NELL1: variants seen among roughly 807,000 people sequenced by gnomAD.
The protein encoded by NELL1 is protein kinase C-binding protein NELL1.
NELL1 carries 76 observed loss-of-function variants against 107.4 expected under a neutral mutation model. The ratio of observed to expected loss-of-function variants is 0.71; its 90% CI spans 0.59 to 0.86. NELL1 has a LOEUF of 0.86. NELL1 is among the 40% of genes least tolerant of loss of function. The pLI, the probability that NELL1 is intolerant of heterozygous loss-of-function variation, is 0.00. For synonymous variants in NELL1, 353 were observed against 341.2 expected (o/e 1.03, Z -0.38); for missense variants, 1,024 against 1,005.5 (o/e 1.02, Z -0.25).
intron 12 of NELL1, among the ~76,000 whole-genome samples, chr11:21,015,816 A>G (rs554304637): frequency 7.9e-5 from 12 of 152,190 alleles, no homozygotes; most frequent in African/African-American, 2.4e-4. Flanking sequence ...TAAGCCAGGC[A>G]CGTCCTGTTG....
intron 10 of NELL1, among the ~76,000 whole-genome samples, chr11:20,939,724 A>T (rs1457010910): frequency 6.6e-6 from 1 of 152,162 alleles, no homozygotes; most frequent in African/African-American, 2.4e-5. Context: ...ACTGGATCAG[A>T]AGAAGCCAAA....
intron 15 of NELL1, among the ~76,000 whole-genome samples, chr11:21,467,285 A>G (rs1396700976): frequency 6.6e-6 from 1 of 152,088 alleles, no homozygotes; most frequent in Non-Finnish European, 1.5e-5. Context: ...AATAGTACCT[A>G]TCTCAAAATT....
intron 15 of NELL1, among the ~76,000 whole-genome samples, chr11:21,450,164 A>T (rs1312831722): frequency 6.6e-6 from 1 of 152,232 alleles, no homozygotes; most frequent in East Asian, 1.9e-4. Flanking sequence ...ATTATTGTTC[A>T]TTCATTTTTA....
At chr11:21,550,400 C>A (rs999590228) in intron 16 of NELL1, among the ~76,000 whole-genome samples, 3 of 151,906 alleles carry the variant, frequency 2.0e-5, no homozygotes, top group Non-Finnish European at 4.4e-5. Flanking sequence ...GTGTTTTAGA[C>A]CTGAAGTCCT....
intron 13 of NELL1, among the ~76,000 whole-genome samples, chr11:21,224,526 C>T (rs998980952): frequency 9.9e-5 from 15 of 152,002 alleles, no homozygotes; most frequent in African/African-American, 3.4e-4. Context: ...CAGCCTATGG[C>T]TATTTTTTAA....
intron 13 of NELL1, among the ~76,000 whole-genome samples, chr11:21,221,918 C>T (rs1168688134): frequency 1.3e-5 from 2 of 152,054 alleles, no homozygotes; most frequent in Admixed American, 1.3e-4. Flanking sequence ...GTCTCTAACT[C>T]CTGGGCTCAA....
intron 15 of NELL1, among the ~76,000 whole-genome samples, chr11:21,457,353 G>T (rs1389736118): frequency 2.0e-5 from 3 of 152,100 alleles, no homozygotes; most frequent in African/African-American, 7.2e-5. Context: ...AAAGAATTCA[G>T]AGTGTTGTGG....
intron 12 of NELL1, among the ~76,000 whole-genome samples, chr11:20,985,155 A>G (rs1201864720): frequency 6.6e-6 from 1 of 152,182 alleles, no homozygotes; most frequent in Non-Finnish European, 1.5e-5. Flanking sequence ...AGTGGTTACT[A>G]TTCTTTGAAT....
intron 14 of NELL1, among the ~76,000 whole-genome samples, chr11:21,295,594 A>G (rs1487804875): frequency 6.6e-6 from 1 of 152,056 alleles, no homozygotes; most frequent in Non-Finnish European, 1.5e-5. Context: ...TCATTACAGC[A>G]GTTGCGAAAA....
chr11:21,564,157 T>C (rs896280154), intron 17 of NELL1, among the ~76,000 whole-genome samples: 2 of 151,904 alleles, frequency 1.3e-5, no homozygotes, highest in African/African-American at 4.8e-5. Context: ...CCAGTCAAGG[T>C]CTGATTGACA....
At chr11:21,446,397 T>C (rs976068501) in intron 15 of NELL1, among the ~76,000 whole-genome samples, 6 of 143,810 alleles carry the variant, frequency 4.2e-5, no homozygotes, top group African/African-American at 1.8e-4. Flanking sequence ...TTTTATGCTG[T>C]GTGTGTTCAT....
intron 14 of NELL1, among the ~76,000 whole-genome samples, chr11:21,331,843 T>C (rs1037995616): frequency 6.6e-6 from 1 of 152,042 alleles, no homozygotes; most frequent in African/African-American, 2.4e-5. Flanking sequence ...TTCTCTTAAT[T>C]GCTTATTGTT....
At chr11:20,899,865 T>C (rs995539127) in intron 5 of NELL1, among the ~76,000 whole-genome samples, 2 of 150,012 alleles carry the variant, frequency 1.3e-5, no homozygotes, top group African/African-American at 2.5e-5. Context: ...TGGACAGTTT[T>C]CTAAAGCTAC....
In NELL1 at chr11:20,975,830, T is replaced by C. The variant is rs993478611; in HGVS notation, c.1300+15270T>C. Among the ~76,000 whole-genome samples the C allele has an allele frequency of 1.2e-4, 15 of 121,212 alleles. 1 individual carries two copies. Among genetic ancestry groups the C allele is most frequent in the African/African-American group, 4.7e-4 (15 of 31,836 alleles). 79.5% of individuals were successfully genotyped at this position (121,212 alleles called of 152,430 possible). A position where few individuals can be genotyped will look rare whatever the true frequency, so the allele number is the denominator to read the frequency against. ...ATACATATTATATATGTATTATATATGTACATATGTGTATTATATATACAT... is the reference window on the plus strand; with the variant it reads ...ATACATATTATATATGTATTATATACGTACATATGTGTATTATATATACAT... On this transcript the variant is annotated intron_variant, in intron 12 of 19. Coordinates refer to ENST00000357134, the MANE Select transcript of NELL1 (RefSeq NM_006157.5).
At chr11:21,112,109 G>T (rs955983135) in intron 12 of NELL1, among the ~76,000 whole-genome samples, 8 of 151,994 alleles carry the variant, frequency 5.3e-5, no homozygotes, top group African/African-American at 1.9e-4. Flanking sequence ...AACCTCTGTG[G>T]TTGGCCTGCA....
intron 17 of NELL1, among the ~76,000 whole-genome samples, chr11:21,562,418 T>G (rs1290233585): frequency 2.1e-5 from 3 of 146,336 alleles, no homozygotes; most frequent in Non-Finnish European, 4.4e-5. Flanking sequence ...ACATAAATCT[T>G]TTGTTTGTTT....
chr11:20,681,115 A>G (rs1230337609), intron 2 of NELL1, among the ~76,000 whole-genome samples: 15 of 152,158 alleles, frequency 9.9e-5, no homozygotes. Context: ...ACGTGGCTCT[A>G]GAGCAGGCTT....
In NELL1 at chr11:20,816,362, C is replaced by T. The variant is rs549003002; in HGVS notation, c.336-31221C>T. Among the ~76,000 whole-genome samples, 5 of 152,096 alleles carry T rather than the reference C, an allele frequency of 3.3e-5. No homozygotes were observed. In the East Asian group the frequency reaches 5.8e-4, roughly 18 times the overall value. On this transcript the variant is annotated intron_variant, in intron 3 of 19. Coordinates refer to ENST00000357134, the MANE Select transcript of NELL1 (RefSeq NM_006157.5). ...TATAGTTGTCCATGTAGAGATCTTTCGTTTTGGTTAGACTTATTCCTAGGT... is the reference window on the plus strand; with the variant it reads ...TATAGTTGTCCATGTAGAGATCTTTTGTTTTGGTTAGACTTATTCCTAGGT...
At chr11:20,927,597 A>T (rs1044629321) in intron 8 of NELL1, among the ~76,000 whole-genome samples, 155 bp downstream of exon 8, 2 of 152,230 alleles carry the variant, frequency 1.3e-5, no homozygotes, top group East Asian at 3.8e-4. Flanking sequence ...ATTGTGAAGC[A>T]ATGCTGGAAG....
Sources: allele counts gnomAD v4.1 joint callset (sites outside exome capture counted in the v4.1 genomes callset), GRCh38; gene constraint gnomAD v4.1.1; transcripts MANE v1.5; gene names NCBI Gene and HGNC (gene_info 2026-07-23, HGNC 2026-07-21).